The following CCDC25 variants were observed in gnomAD, a reference collection of about 807,000 sequenced individuals.
The protein encoded by CCDC25 is coiled-coil domain containing 25.
CCDC25 carries 16 observed loss-of-function variants against 35.3 expected under a neutral mutation model. The ratio of observed to expected loss-of-function variants is 0.45; its 90% CI spans 0.31 to 0.69. The LOEUF (loss-of-function observed/expected upper bound fraction) is 0.69. Among genes scored for constraint, CCDC25 ranks in the 30% least tolerant of loss-of-function variants. CCDC25 has a pLI of 0.06. For missense variants in CCDC25, 179 were observed against 250.7 expected, an observed-to-expected ratio of 0.71 and a Z score of 1.93; for synonymous variants, 79 against 80.3, an observed-to-expected ratio of 0.98 and a Z score of 0.09.
chr8:27,772,459 C>T, intron 1 of CCDC25, 54 bp downstream of exon 1: 2 of 1,536,472 alleles, frequency 1.3e-6, no homozygotes, highest in Non-Finnish European at 8.8e-7. Context: ...CTGCGGGTCC[C>T]GGCTTCGGAG....
At chr8:27,764,978 C>T in intron 2 of CCDC25, among the ~76,000 whole-genome samples, 1 of 152,156 alleles carries the variant, frequency 6.6e-6, no homozygotes, top group Non-Finnish European at 1.5e-5. Context: ...TCCTACTAAC[C>T]CATAAATCAT....
chr8:27,755,497 G>C (rs1803969890), intron 4 of CCDC25, among the ~76,000 whole-genome samples: 1 of 152,138 alleles, frequency 6.6e-6, no homozygotes, highest in African/African-American at 2.4e-5. Flanking sequence ...AATGTATATA[G>C]ACACTCCCCT....
rs1418144926 is a variant in CCDC25, at chr8:27,734,604, A to T, written c.*1612T>A. 3 of 152,262 alleles carry T rather than the reference A, an allele frequency of 2.0e-5. No homozygotes were observed. The highest frequency in any genetic ancestry group is 2.9e-5 in the Non-Finnish European group (2 of 68,054). 9.4% of individuals were successfully genotyped at this position (152,262 alleles called of 1,614,324 possible). A position where few individuals can be genotyped will look rare whatever the true frequency, so the allele number is the denominator to read the frequency against. ...GGAATCAACACAGAGCTATGAATTCAACAAGAGAATTCAGCAGAGACCTGG... is the reference window on the plus strand; with the variant it reads ...GGAATCAACACAGAGCTATGAATTCTACAAGAGAATTCAGCAGAGACCTGG... On this transcript the variant is annotated 3_prime_UTR_variant, in exon 9 of 9. Coordinates refer to ENST00000356537, the MANE Select transcript of CCDC25 (RefSeq NM_018246.3).
rs35046025 is a variant in CCDC25 at position 27,738,601 on chromosome 8, G to GGT, written c.597+1869_597+1870dup. On this transcript the variant is annotated intron_variant, in intron 8 of 8. Transcript: ENST00000356537. ...ATGTATGTATGTAGGTCGGTAGGTAGGTGTGTGTGTGTGTGTGTGTGTGTA... is the reference window on the plus strand; with the variant it reads ...ATGTATGTATGTAGGTCGGTAGGTAGGTGTGTGTGTGTGTGTGTGTGTGTGTA... 4.4e-3 allele frequency among the ~76,000 whole-genome samples: 655 copies of GGT among 150,054 alleles called. 9 individuals are homozygous for GGT. Among genetic ancestry groups the GGT allele is most frequent in the African/African-American group, 0.013 (524 of 40,860 alleles).
chr8:27,770,054 G>A (rs1235233393), intron 1 of CCDC25, among the ~76,000 whole-genome samples: 1 of 152,186 alleles, frequency 6.6e-6, no homozygotes, highest in East Asian at 1.9e-4. Context: ...TGAGGCAGTA[G>A]AATTGCTTGA....
intron 7 of CCDC25, among the ~76,000 whole-genome samples, chr8:27,742,662 C>T (rs1803477723): frequency 1.3e-5 from 2 of 152,140 alleles, no homozygotes; most frequent in South Asian, 2.1e-4. Context: ...GTCAGGAGTT[C>T]GAGGCCAGCC....
chr8:27,740,772 C>T (rs1490209112), intron 7 of CCDC25, among the ~76,000 whole-genome samples: 3 of 152,232 alleles, frequency 2.0e-5, no homozygotes, highest in African/African-American at 7.2e-5. Flanking sequence ...ACCACCTCCA[C>T]AATAACTTGG....
At chr8:27,756,391 G>T in intron 4 of CCDC25, 2 of 212,688 alleles carry the variant, frequency 9.4e-6, no homozygotes, top group South Asian at 1.9e-4. Context: ...AGCCACACAT[G>T]ATATCCACTG....
At chr8:27,766,517 A>G (rs2128947343) in intron 1 of CCDC25, among the ~76,000 whole-genome samples, 1 of 152,320 alleles carries the variant, frequency 6.6e-6, no homozygotes, top group South Asian at 2.1e-4. Flanking sequence ...CGCCAAGTTT[A>G]TAGAAATGCT....
intron 4 of CCDC25, among the ~76,000 whole-genome samples, chr8:27,753,575 G>A (rs1276539595): frequency 6.6e-6 from 1 of 152,130 alleles, no homozygotes; most frequent in East Asian, 1.9e-4. Flanking sequence ...AGCTCATTAT[G>A]TGTTTCCAAA....
rs1232751203 is a variant in CCDC25, at chr8:27,736,104, T to A, written c.*112A>T. On this transcript the variant is annotated 3_prime_UTR_variant, in exon 9 of 9. Coordinates refer to ENST00000356537, the MANE Select transcript of CCDC25 (RefSeq NM_018246.3). ...GAAAATCAATAATTTCTGGGTAGGA[T>A]GAAGGTAGAATTTTGGTTGTATTTT... 1 of 977,060 alleles carries A rather than the reference T, an allele frequency of 1.0e-6. No homozygotes were observed. The highest frequency in any genetic ancestry group is 1.7e-5 in the African/African-American group (1 of 60,018). 60.5% of individuals were successfully genotyped at this position (977,060 alleles called of 1,614,324 possible).
chr8:27,739,555 TAAC>T (rs950467838), intron 8 of CCDC25, among the ~76,000 whole-genome samples: 1 of 152,118 alleles, frequency 6.6e-6, no homozygotes, highest in African/African-American at 2.4e-5. Flanking sequence ...AAATACAGTA[TAAC>T]AACTATTTAC....
chr8:27,741,217 A>G (rs1164977681), intron 7 of CCDC25, among the ~76,000 whole-genome samples: 8 of 152,352 alleles, frequency 5.3e-5, no homozygotes, highest in Admixed American at 5.2e-4. Context: ...AATGAGGTTC[A>G]ATGGGCATTC....
At chr8:27,746,341 G>A in intron 7 of CCDC25, among the ~76,000 whole-genome samples, 1 of 152,138 alleles carries the variant, frequency 6.6e-6, no homozygotes, top group Non-Finnish European at 1.5e-5. Flanking sequence ...ATCTACTATG[G>A]CTATTGTTGG....
chr8:27,745,740 A>G (rs1252320477), intron 7 of CCDC25, among the ~76,000 whole-genome samples: 1 of 152,254 alleles, frequency 6.6e-6, no homozygotes, highest in Admixed American at 6.5e-5. Flanking sequence ...CATTCCCGGC[A>G]CTGCAGCCCT....
intron 2 of CCDC25, among the ~76,000 whole-genome samples, chr8:27,763,144 C>A (rs959487183): frequency 1.2e-4 from 19 of 152,120 alleles, no homozygotes; most frequent in Admixed American, 1.2e-3. Context: ...CTACCTAATT[C>A]TCTTATATGA....
chr8:27,770,588 A>G (rs2128948868), intron 1 of CCDC25, among the ~76,000 whole-genome samples: 1 of 151,732 alleles, frequency 6.6e-6, no homozygotes, highest in South Asian at 2.1e-4. Context: ...AAAAATACAA[A>G]ATTAGCCAGG....
chr8:27,760,971 T>C (rs1804208172), intron 3 of CCDC25, among the ~76,000 whole-genome samples: 1 of 151,830 alleles, frequency 6.6e-6, no homozygotes, highest in Non-Finnish European at 1.5e-5. Flanking sequence ...CTACTAAAAA[T>C]ACAAAAAATT....
chr8:27,746,143 C>G (rs1014127173), intron 7 of CCDC25, among the ~76,000 whole-genome samples: 3 of 152,058 alleles, frequency 2.0e-5, no homozygotes, highest in Non-Finnish European at 4.4e-5. Context: ...CTATAAATTA[C>G]TTGATTGATT....
Sources: gnomAD v4.1 joint callset for allele counts (sites outside exome capture counted in the v4.1 genomes callset) on GRCh38, gnomAD v4.1.1 for gene constraint, MANE v1.5 for transcripts, NCBI Gene and HGNC (gene_info 2026-07-23, HGNC 2026-07-21) for gene names.